The following JAK3 variants were observed in gnomAD, a reference collection of about 807,000 sequenced individuals.
The protein encoded by JAK3 is tyrosine-protein kinase JAK3.
JAK3 carries 88 observed loss-of-function variants against 120.8 expected under a neutral mutation model. The ratio of observed to expected loss-of-function variants is 0.73; its 90% CI spans 0.61 to 0.87. The LOEUF is 0.87. Among genes scored for constraint, JAK3 ranks in the 40% least tolerant of loss-of-function variants. The pLI, the probability that JAK3 is intolerant of heterozygous loss-of-function variation, is 0.00. For synonymous variants in JAK3, 592 were observed against 628.6 expected (o/e 0.94, Z 0.87); for missense variants, 1,254 against 1,501.4 (o/e 0.84, Z 2.72).
Position 17,842,407 on chromosome 19 carries a change from C to T in JAK3, c.770G>A (p.Gly257Asp). ...PAGAAETFHV[G>D]LPGALGGHDG... Reference sequence around the variant, plus strand: ...GTGGCCACCAAGGGCCCCAGGGAGGCCCACGTGGAAGGTCTCGGCGGCCCC... The same window carrying T: ...GTGGCCACCAAGGGCCCCAGGGAGGTCCACGTGGAAGGTCTCGGCGGCCCC... The change falls in exon 6 of 24, where the codon GGC becomes GAC. Residue 257 changes from glycine to aspartate, a missense_variant. Gly to Asp is a moderately conservative substitution (Grantham distance 94). This residue lies in a region of JAK3 where 486 missense variants were observed against 503.0 expected (regional missense o/e 0.97). Coordinates refer to ENST00000458235, the MANE Select transcript of JAK3 (RefSeq NM_000215.4). The surrounding 1 kb of genome is among the most constrained non-coding windows in gnomAD (Gnocchi z 6.4). 1 of 1,585,514 alleles carries T rather than the reference C, an allele frequency of 6.3e-7. No homozygotes were observed.
At chr19:17,835,848 C>T in intron 14 of JAK3, 76 bp downstream of exon 14, 1 of 1,589,074 alleles carries the variant, frequency 6.3e-7, no homozygotes. Flanking sequence ...ACTACAGAGC[C>T]CACTCCCAAT....
chr19:17,844,454 C>T (rs2094247581), intron 1 of JAK3, 24 bp from the exon 2 acceptor site: 1 of 1,583,910 alleles, frequency 6.3e-7, no homozygotes, highest in South Asian at 1.1e-5. Flanking sequence ...AGAAAAAGCC[C>T]CTCAGTCCTG....
At chr19:17,830,463 G>A in intron 22 of JAK3, 40 bp downstream of exon 22, 5 of 1,516,966 alleles carry the variant, frequency 3.3e-6, no homozygotes, top group Non-Finnish European at 4.6e-6. Context: ...GAGGGGCGTG[G>A]AGGGAGAAGA....
chr19:17,841,295 T>G lies in JAK3; in HGVS notation c.1142+94A>C. The G allele has an allele frequency of 2.2e-6, 3 of 1,356,372 alleles. No homozygotes were observed. The highest frequency in any genetic ancestry group is 3.0e-6 in the Non-Finnish European group (3 of 995,672). 84.0% of individuals were successfully genotyped at this position (1,356,372 alleles called of 1,614,324 possible). On this transcript the variant is annotated intron_variant, in intron 8 of 23. Transcript: ENST00000458235. This position sits in a 1 kb window ranked among gnomAD's most constrained non-coding sequence, Gnocchi z 4.1. ...GTGTGGTTTGAAAACTTGACCCCTG[T>G]CCAGGGCTCCTGGAAGGTGAGGACA... is the stretch of plus-strand genomic sequence containing the variant.
Position 17,825,743 on chromosome 19 carries a change from T to C in JAK3, c.*1000A>G, listed in dbSNP as rs933374891. On this transcript the variant is annotated 3_prime_UTR_variant, in exon 24 of 24. Transcript: ENST00000458235. ...GGTGAAACCCCGTCTCTACTAAAAATACAAAAAATTAGCCGGGTGTGGTGG... is the reference window on the plus strand; with the variant it reads ...GGTGAAACCCCGTCTCTACTAAAAACACAAAAAATTAGCCGGGTGTGGTGG... 6 of 158,478 alleles carry C rather than the reference T, an allele frequency of 3.8e-5. No homozygotes were observed. The highest frequency in any genetic ancestry group is 1.5e-4 in the East Asian group (1 of 6,792). The allele number at this position is 158,478 out of a possible 1,614,324, so 9.8% of individuals were successfully genotyped here. A position where few individuals can be genotyped will look rare whatever the true frequency, so the allele number is the denominator to read the frequency against.
At chr19:17,846,551 G>A (rs2094252571) in intron 1 of JAK3, among the ~76,000 whole-genome samples, 1 of 152,048 alleles carries the variant, frequency 6.6e-6, no homozygotes, top group African/African-American at 2.4e-5. Flanking sequence ...CCTCTCTATC[G>A]TCCCCTCAAC....
chr19:17,830,306 C>G, intron 22 of JAK3, 88 bp from the exon 23 acceptor site: 1 of 1,076,220 alleles, frequency 9.3e-7, no homozygotes, highest in South Asian at 1.4e-5. Context: ...TAGGGGCCAT[C>G]TGTGATGGAG....
intron 12 of JAK3, 55 bp downstream of exon 12, chr19:17,837,877 C>A: frequency 6.2e-7 from 1 of 1,611,260 alleles, no homozygotes; most frequent in Non-Finnish European, 8.5e-7. Context: ...TCTGCATCCA[C>A]GACCCCCTCT....
chr19:17,843,763 G>A lies in JAK3; in HGVS notation c.308+14C>T. The A allele has an allele frequency of 6.2e-7, 1 of 1,613,434 alleles. No homozygotes were observed. Among genetic ancestry groups the A allele is most frequent in the Non-Finnish European group, 8.5e-7 (1 of 1,179,954 alleles). On this transcript the variant is annotated intron_variant, in intron 3 of 23. Transcript: ENST00000458235. The surrounding 1 kb of genome is among the most constrained non-coding windows in gnomAD (Gnocchi z 5.4). Reference sequence around the variant, plus strand: ...AAATTGTACAATCCCTGGGGGCTGGGGGGCACTTCCTACCGAATCCTGTAC... The same window carrying A: ...AAATTGTACAATCCCTGGGGGCTGGAGGGCACTTCCTACCGAATCCTGTAC...
intron 23 of JAK3, 114 bp downstream of exon 23, chr19:17,829,994 G>A (rs1336941265): frequency 2.5e-6 from 2 of 789,222 alleles, no homozygotes; most frequent in Non-Finnish European, 4.3e-6. Flanking sequence ...ATCCTCATCG[G>A]CCTCACACTC....
At position 17,843,595 on chromosome 19, in the gene JAK3, G is replaced by T; in HGVS notation, c.309-104C>A. 8.6e-7 allele frequency: 1 copy of T among 1,164,270 alleles called. No individual in the cohort carries two copies. The highest frequency in any genetic ancestry group is 1.3e-6 in the Non-Finnish European group (1 of 779,892). The allele number at this position is 1,164,270 out of a possible 1,614,324, so 72.1% of individuals were successfully genotyped here. A position where few individuals can be genotyped will look rare whatever the true frequency, so the allele number is the denominator to read the frequency against. ...ACAGATTCTGCGGAGGCCTCACAGA[G>T]CCCAGCTTGTACCTTTAACTTGCTG... On this transcript the variant is annotated intron_variant, in intron 3 of 23. Coordinates refer to ENST00000458235, the MANE Select transcript of JAK3 (RefSeq NM_000215.4). This position sits in a 1 kb window ranked among gnomAD's most constrained non-coding sequence, Gnocchi z 5.4.
At chr19:17,838,733 T>TTTTTTTG (rs398034136) in intron 10 of JAK3, among the ~76,000 whole-genome samples, 3 of 137,308 alleles carry the variant, frequency 2.2e-5, no homozygotes, top group Admixed American at 1.5e-4. Flanking sequence ...TTTTTTTTTT[T>TTTTTTTG]GAGACAGAGT....
rs1303236349 is a variant in JAK3 at position 17,843,379 on chromosome 19, C to T, written c.420+1G>A. On this transcript the variant is annotated splice_donor_variant, in intron 4 of 23. Coordinates refer to ENST00000458235, the MANE Select transcript of JAK3 (RefSeq NM_000215.4). LOFTEE classifies it high-confidence loss of function. The surrounding 1 kb of genome is among the most constrained non-coding windows in gnomAD (Gnocchi z 5.4). ...GGGTCAAACCCCAGGCAGAACCCCACCTGGGCAAAGAGGTGCTCCAGGACT... is the reference window on the plus strand; with the variant it reads ...GGGTCAAACCCCAGGCAGAACCCCATCTGGGCAAAGAGGTGCTCCAGGACT... The T allele has an allele frequency of 5.0e-6, 8 of 1,586,214 alleles. No individual in the cohort carries two copies. The highest frequency in any genetic ancestry group is 6.9e-6 in the Non-Finnish European group (8 of 1,165,776).
chr19:17,828,421 T>A (rs1460233176), intron 23 of JAK3, among the ~76,000 whole-genome samples: 2 of 151,786 alleles, frequency 1.3e-5, no homozygotes, highest in African/African-American at 4.9e-5. Flanking sequence ...ACACCGGCTA[T>A]TGCTTGTATT....
intron 9 of JAK3, 75 bp from the exon 10 acceptor site, chr19:17,839,738 C>CAT: frequency 1.3e-6 from 1 of 795,748 alleles, no homozygotes. Flanking sequence ...CCTTTTTTTT[C>CAT]TTTTTTTTTT....
In JAK3 at chr19:17,831,933, C is replaced by A; in HGVS notation, c.2681-135G>T. 1 of 1,034,462 alleles carries A rather than the reference C, an allele frequency of 9.7e-7. No individual in the cohort carries two copies. The highest frequency in any genetic ancestry group is 1.5e-6 in the Non-Finnish European group (1 of 681,818). 64.1% of individuals were successfully genotyped at this position (1,034,462 alleles called of 1,614,324 possible). A position where few individuals can be genotyped will look rare whatever the true frequency, so the allele number is the denominator to read the frequency against. ...TGTAATATGGGAACCGCAACAATGA[C>A]ACATTGCTAATATCTCTTGAGTACT... On this transcript the variant is annotated intron_variant, in intron 19 of 23. Transcript: ENST00000458235. The surrounding 1 kb of genome is among the most constrained non-coding windows in gnomAD (Gnocchi z 5.1).
chr19:17,830,219 C>A lies in JAK3; in HGVS notation c.3097-1G>T. ...CACATCCCATCATCCGCAGGAACTCCTGGAGCCAAGGAGGAGCGCATGTGG... is the reference window on the plus strand; with the variant it reads ...CACATCCCATCATCCGCAGGAACTCATGGAGCCAAGGAGGAGCGCATGTGG... On this transcript the variant is annotated splice_acceptor_variant, in intron 22 of 23. Transcript: ENST00000458235. LOFTEE classifies it high-confidence loss of function. 1 of 1,555,950 alleles carries A rather than the reference C, an allele frequency of 6.4e-7. No individual in the cohort carries two copies. Among genetic ancestry groups the A allele is most frequent in the East Asian group, 2.4e-5 (1 of 41,492 alleles).
Position 17,832,421 on chromosome 19 carries a change from G to C in JAK3, c.2680+98C>G. On this transcript the variant is annotated intron_variant, in intron 19 of 23. Transcript: ENST00000458235. The surrounding 1 kb of genome is among the most constrained non-coding windows in gnomAD (Gnocchi z 4.7). Reference sequence around the variant, plus strand: ...CATGTGAATCTGGATCAATAATCACGTTCCCAGCCTACCTAAAGTGGCCTG... The same window carrying C: ...CATGTGAATCTGGATCAATAATCACCTTCCCAGCCTACCTAAAGTGGCCTG... 1 of 1,187,674 alleles carries C rather than the reference G, an allele frequency of 8.4e-7. No individual in the cohort carries two copies. Among genetic ancestry groups the C allele is most frequent in the East Asian group, 2.3e-5 (1 of 42,942 alleles). 73.6% of individuals were successfully genotyped at this position (1,187,674 alleles called of 1,614,324 possible).
chr19:17,839,740 T>TTC, intron 9 of JAK3, 77 bp from the exon 10 acceptor site: 52 of 441,390 alleles, frequency 1.2e-4, no homozygotes, highest in East Asian at 6.5e-4. Context: ...TTTTTTTTCT[T>TTC]TTTTTTTTTT....
Sources: gnomAD v4.1 joint callset for allele counts (sites outside exome capture counted in the v4.1 genomes callset) on GRCh38, gnomAD v4.1.1 for gene constraint, gnomAD v4.1.1 regional missense constraint, Gnocchi (gnomAD v3.1) non-coding constraint, MANE v1.5 for transcripts, NCBI Gene and HGNC (gene_info 2026-07-23, HGNC 2026-07-21) for gene names.